The following USP34 variants were observed in gnomAD, a reference collection of about 807,000 sequenced individuals.
USP34 encodes the protein ubiquitin specific peptidase 34, also known as ubiquitin carboxyl-terminal hydrolase 34.
USP34 carries 70 observed loss-of-function variants against 460.3 expected under a neutral mutation model. The observed-to-expected ratio is 0.15, with a 90% CI of 0.13 to 0.19. The LOEUF (loss-of-function observed/expected upper bound fraction) is 0.19, where lower values mean the gene tolerates loss of function less well. Among genes scored for constraint, USP34 ranks in the 10% least tolerant of loss-of-function variants. The pLI is 1.00. For missense variants in USP34, 3,985 were observed against 4,236.2 expected (o/e 0.94, Z 1.65); for synonymous variants, 1,647 against 1,405.3 (o/e 1.17, Z -3.85).
chr2:61,256,274 G>T, intron 48 of USP34, 110 bp downstream of exon 48: 1 of 978,936 alleles, frequency 1.0e-6, no homozygotes, highest in Non-Finnish European at 1.5e-6. Flanking sequence ...CCATGCAGCT[G>T]ATTTTACCTT....
At chr2:61,210,029 G>C (rs1432248937) in intron 69 of USP34, among the ~76,000 whole-genome samples, 1 of 144,966 alleles carries the variant, frequency 6.9e-6, no homozygotes. Flanking sequence ...TGTTATGATA[G>C]TGTGTTTTAA....
intron 20 of USP34, among the ~76,000 whole-genome samples, chr2:61,329,825 T>C (rs768936550): frequency 6.6e-6 from 1 of 152,192 alleles, no homozygotes; most frequent in Non-Finnish European, 1.5e-5. Flanking sequence ...TAATTGGAAT[T>C]AGAAGGGTAA....
intron 1 of USP34, among the ~76,000 whole-genome samples, chr2:61,469,653 G>C (rs544819805): frequency 1.6e-4 from 25 of 152,302 alleles, no homozygotes; most frequent in Non-Finnish European, 3.1e-4. Flanking sequence ...AAATTAGATA[G>C]TCTGAAAGTC....
intron 10 of USP34, among the ~76,000 whole-genome samples, chr2:61,369,759 G>C (rs1482140477): frequency 4.9e-5 from 6 of 122,696 alleles, no homozygotes. Context: ...AATAAATTAA[G>C]AAAGAAAAAA....
intron 12 of USP34, 130 bp downstream of exon 12, chr2:61,350,130 A>G: frequency 1.0e-6 from 1 of 961,320 alleles, no homozygotes; most frequent in Non-Finnish European, 1.5e-6. Context: ...TAATCCTTTT[A>G]TATGCACTCT....
intron 53 of USP34, among the ~76,000 whole-genome samples, chr2:61,237,429 G>C (rs1333705734): frequency 2.6e-5 from 4 of 152,058 alleles, no homozygotes; most frequent in African/African-American, 7.2e-5. Context: ...CTAAAGGCTG[G>C]TAATACTGTG....
Position 61,362,781 on chromosome 2 carries a change from G to A in USP34, c.1251+7540C>T, listed in dbSNP as rs182985029. On this transcript the variant is annotated intron_variant, in intron 10 of 79. Transcript: ENST00000398571. ...TGAAAGAAAATGGTAACCATGTGAGGTAATAGATATGTGAATTAGCTTGAC... is the reference window on the plus strand; with the variant it reads ...TGAAAGAAAATGGTAACCATGTGAGATAATAGATATGTGAATTAGCTTGAC... Among the ~76,000 whole-genome samples the A allele has an allele frequency of 3.4e-4, 52 of 152,214 alleles. No individual in the cohort carries two copies. The East Asian group carries it at 9.6e-3, about 28-fold the overall frequency.
chr2:61,245,864 C>A (rs1688404366), intron 50 of USP34, among the ~76,000 whole-genome samples: 1 of 152,000 alleles, frequency 6.6e-6, no homozygotes, highest in East Asian at 1.9e-4. Context: ...TATCTGAAGA[C>A]CAAAAAACAG....
chr2:61,252,800 C>T (rs370585022), intron 48 of USP34, among the ~76,000 whole-genome samples: 108 of 152,154 alleles, frequency 7.1e-4, no homozygotes, highest in East Asian at 9.6e-4. Flanking sequence ...TGGGGTGAAA[C>T]CATGCATTGT....
chr2:61,259,669 A>C, intron 44 of USP34, 42 bp downstream of exon 44: 1 of 1,585,482 alleles, frequency 6.3e-7, no homozygotes, highest in East Asian at 2.2e-5. Context: ...TACAGGCATG[A>C]GCCACAGTGC....
At chr2:61,208,863 G>A (rs370052107) in intron 70 of USP34, 36 bp downstream of exon 70, 20 of 1,442,128 alleles carry the variant, frequency 1.4e-5, no homozygotes, top group Non-Finnish European at 1.8e-5. Context: ...ATTAAAATGA[G>A]ATAATATCCA....
In USP34 at chr2:61,437,499, C is replaced by A. The variant is rs1278766461; in HGVS notation, c.44-16666G>T. Among the ~76,000 whole-genome samples, 3 of 152,222 alleles carry A rather than the reference C, an allele frequency of 2.0e-5. No individual in the cohort carries two copies. In the East Asian group the frequency reaches 5.8e-4, roughly 29 times the overall value. On this transcript the variant is annotated intron_variant, in intron 1 of 79. Transcript: ENST00000398571. ...AATAAGAAATAAAAAACCTGCCAGG[C>A]ACGGTGGCTCATGCCTGTAATCCCA...
chr2:61,197,712 C>A (rs1355424912), intron 75 of USP34, among the ~76,000 whole-genome samples: 1 of 152,186 alleles, frequency 6.6e-6, no homozygotes, highest in Non-Finnish European at 1.5e-5. Flanking sequence ...ATCCTCCTGC[C>A]TCAGCCTCCT....
At chr2:61,319,491 GTTAA>G in intron 21 of USP34, among the ~76,000 whole-genome samples, 164 bp from the exon 22 acceptor site, 1 of 151,376 alleles carries the variant, frequency 6.6e-6, no homozygotes, top group Admixed American at 6.6e-5. Flanking sequence ...TTTACCATAT[GTTAA>G]TTGATATAAA....
chr2:61,211,744 C>T lies in USP34; in HGVS notation c.8840+28G>A, dbSNP rs566378323. The T allele has an allele frequency of 2.6e-6, 4 of 1,534,444 alleles. No homozygotes were observed. The African/African-American group carries it at 4.3e-5, about 17-fold the overall frequency. Reference sequence around the variant, plus strand: ...TGGTCCTCATCTCACTGGAAATAAACAAGACAAAACTAAAAACATCTTTTT... The same window carrying T: ...TGGTCCTCATCTCACTGGAAATAAATAAGACAAAACTAAAAACATCTTTTT... On this transcript the variant is annotated intron_variant, in intron 69 of 79. Coordinates refer to ENST00000398571, the MANE Select transcript of USP34 (RefSeq NM_014709.4).
At chr2:61,296,211 G>A (rs1191486500) in intron 30 of USP34, among the ~76,000 whole-genome samples, 3 of 152,044 alleles carry the variant, frequency 2.0e-5, no homozygotes, top group Admixed American at 2.0e-4. Context: ...AGTGAGCTGA[G>A]ACCACACCAC....
Position 61,422,635 on chromosome 2 carries a change from T to C in USP34, c.44-1802A>G, listed in dbSNP as rs572810056. 7.9e-5 allele frequency among the ~76,000 whole-genome samples: 12 copies of C among 152,254 alleles called. No individual in the cohort carries two copies. In the East Asian group the frequency reaches 2.3e-3, roughly 29 times the overall value. ...AGAAATTCTAGTCAGAGCAATTCAA[T>C]GAGGAAGAAAATGGAAAGAAATCAA... On this transcript the variant is annotated intron_variant, in intron 1 of 79. Coordinates refer to ENST00000398571, the MANE Select transcript of USP34 (RefSeq NM_014709.4).
chr2:61,192,816 A>C, intron 76 of USP34, 85 bp downstream of exon 76: 1 of 1,101,198 alleles, frequency 9.1e-7, no homozygotes, highest in South Asian at 1.6e-5. Flanking sequence ...CTTTTCAGCA[A>C]GTCTTCAACC....
In USP34 at chr2:61,430,740, T is replaced by C. The variant is rs116104914; in HGVS notation, c.44-9907A>G. On this transcript the variant is annotated intron_variant, in intron 1 of 79. Transcript: ENST00000398571. ...TTTAAAACTGAGAATATAAGGGAAA[T>C]TGAATGCTATTTCGTATTAAGAAAT... 7.4e-3 allele frequency among the ~76,000 whole-genome samples: 1,127 copies of C among 152,228 alleles called. 12 individuals are homozygous for C. The highest frequency in any genetic ancestry group is 0.026 in the African/African-American group (1,071 of 41,540).
Sources: allele counts gnomAD v4.1 joint callset (sites outside exome capture counted in the v4.1 genomes callset), GRCh38; gene constraint gnomAD v4.1.1; transcripts MANE v1.5; gene names NCBI Gene and HGNC (gene_info 2026-07-23, HGNC 2026-07-21).